Variants in IFFO2 observed in about 807,000 individuals in gnomAD.
The protein encoded by IFFO2 is intermediate filament family orphan 2.
IFFO2 carries 19 observed loss-of-function variants against 53.5 expected under a neutral mutation model. The ratio of observed to expected loss-of-function variants is 0.36; its 90% CI spans 0.25 to 0.52. The LOEUF (loss-of-function observed/expected upper bound fraction) is 0.52. IFFO2 is among the 20% of genes least tolerant of loss of function. The probability of loss-of-function intolerance (pLI) is 0.94; values close to 1 mark genes in which losing one functional copy is unlikely to be tolerated. For missense variants in IFFO2, 570 were observed against 727.4 expected, an observed-to-expected ratio of 0.78 and a Z score of 2.49; for synonymous variants, 303 against 313.6, an observed-to-expected ratio of 0.97 and a Z score of 0.36.
intron 1 of IFFO2, among the ~76,000 whole-genome samples, chr1:18,943,380 A>T (rs549082976): frequency 4.0e-5 from 6 of 151,888 alleles, no homozygotes; most frequent in Admixed American, 2.6e-4. Flanking sequence ...ACCCTGTCTT[A>T]AAAAAAATGT....
intron 1 of IFFO2, among the ~76,000 whole-genome samples, chr1:18,941,440 T>G (rs1280123304): frequency 1.3e-5 from 2 of 152,182 alleles, no homozygotes; most frequent in African/African-American, 4.8e-5. Flanking sequence ...TGACGTCAAC[T>G]CTGGAAAAAC....
chr1:18,955,931 G>C lies in IFFO2; in HGVS notation c.402C>G (p.Asn134Lys). Residue 134 changes from asparagine to lysine, a missense_variant, in exon 1 of 9, where the codon AAC becomes AAG. Coordinates refer to ENST00000455833, the MANE Select transcript of IFFO2 (RefSeq NM_001136265.2). ...GLSSGAAAGA[N>K]ANAVALGGLP... ...GGCCGCCCAGGGCCACGGCATTGGC[G>C]TTGGCGCCGGCCGCCGCGCCACTGC... 2.4e-6 allele frequency: 3 copies of C among 1,274,820 alleles called. No homozygotes were observed. Among genetic ancestry groups the C allele is most frequent in the Non-Finnish European group, 3.0e-6 (3 of 1,016,574 alleles). 79.0% of individuals were successfully genotyped at this position (1,274,820 alleles called of 1,614,324 possible).
intron 1 of IFFO2, 45 bp from the exon 2 acceptor site, chr1:18,921,166 G>A: frequency 6.6e-7 from 1 of 1,514,548 alleles, no homozygotes; most frequent in Non-Finnish European, 9.0e-7. Context: ...TGAGTTCCCT[G>A]TGCCAGTCCA....
chr1:18,955,783 ACACGCCGGGGCCCTGCACGGTCTC>A lies in IFFO2; in HGVS notation c.526_549del (p.Glu176_Val183del). On this transcript the variant is annotated inframe_deletion, in exon 1 of 9. Transcript: ENST00000455833. ...CCCACGCCGTCGGGGTGCACCCACG[ACACGCCGGGGCCCTGCACGGTCTC>A]CACGCCGCCGCCGCCCGTGCGCCGC... is the stretch of plus-strand genomic sequence containing the variant. 1 of 1,549,526 alleles carries A rather than the reference ACACGCCGGGGCCCTGCACGGTCTC, an allele frequency of 6.5e-7. No homozygotes were observed. The highest frequency in any genetic ancestry group is 2.4e-5 in the East Asian group (1 of 40,924).
intron 8 of IFFO2, 96 bp downstream of exon 8, chr1:18,910,246 G>A: frequency 7.3e-7 from 1 of 1,371,442 alleles, no homozygotes. Context: ...CGGACAGAGA[G>A]ACAGGTTGGG....
chr1:18,925,000 C>T (rs1394738520), intron 1 of IFFO2, among the ~76,000 whole-genome samples: 1 of 152,202 alleles, frequency 6.6e-6, no homozygotes, highest in Admixed American at 6.5e-5. Flanking sequence ...CCAGCCACGG[C>T]TGACACGGCC....
rs560209427 is a variant in IFFO2, at chr1:18,953,691, A to C, written c.665+1977T>G. ...AAAATAAATGGAAGACAAGGTGTGCACGCATCCCAGAAGGGCGGGAAGAGA... is the reference window on the plus strand; with the variant it reads ...AAAATAAATGGAAGACAAGGTGTGCCCGCATCCCAGAAGGGCGGGAAGAGA... On this transcript the variant is annotated intron_variant, in intron 1 of 8. Coordinates refer to ENST00000455833, the MANE Select transcript of IFFO2 (RefSeq NM_001136265.2). 1.6e-3 allele frequency among the ~76,000 whole-genome samples: 242 copies of C among 152,248 alleles called. 1 individual carries two copies. The highest frequency in any genetic ancestry group is 5.0e-3 in the South Asian group (24 of 4,816).
At chr1:18,914,289 G>C (rs1050020697) in intron 5 of IFFO2, among the ~76,000 whole-genome samples, 1 of 152,168 alleles carries the variant, frequency 6.6e-6, no homozygotes, top group South Asian at 2.1e-4. Flanking sequence ...TGCCCATGGG[G>C]CCCCCTGGCT....
At position 18,907,470 on chromosome 1, in the gene IFFO2, A is replaced by C. The variant is rs1935968292; in HGVS notation, c.*1091T>G. ...GCAACTGCCGGACAGTCCTAACCCA[A>C]GGCGGGTAGAAGGGAGCAGAGACCA... is the stretch of plus-strand genomic sequence containing the variant. On this transcript the variant is annotated 3_prime_UTR_variant, in exon 9 of 9. Coordinates refer to ENST00000455833, the MANE Select transcript of IFFO2 (RefSeq NM_001136265.2). The C allele has an allele frequency of 6.6e-6, 1 of 152,364 alleles. No individual in the cohort carries two copies. The highest frequency in any genetic ancestry group is 2.1e-4 in the South Asian group (1 of 4,838). The allele number at this position is 152,364 out of a possible 1,614,324, so 9.4% of individuals were successfully genotyped here.
In IFFO2 at chr1:18,931,960, C is replaced by T. The variant is rs560852873; in HGVS notation, c.666-10839G>A. ...GAAACAAAGCCACTTTGCCCATGCACTTATTTCTCAGCGCCAGAGAACCCA... is the reference window on the plus strand; with the variant it reads ...GAAACAAAGCCACTTTGCCCATGCATTTATTTCTCAGCGCCAGAGAACCCA... On this transcript the variant is annotated intron_variant, in intron 1 of 8. Coordinates refer to ENST00000455833, the MANE Select transcript of IFFO2 (RefSeq NM_001136265.2). Among the ~76,000 whole-genome samples the T allele has an allele frequency of 3.3e-5, 5 of 152,352 alleles. No individual in the cohort carries two copies. In the South Asian group the frequency reaches 1.0e-3, roughly 32 times the overall value.
chr1:18,933,539 G>A (rs1936407386), intron 1 of IFFO2, among the ~76,000 whole-genome samples: 1 of 152,178 alleles, frequency 6.6e-6, no homozygotes, highest in Non-Finnish European at 1.5e-5. Context: ...CTTTGGGCAG[G>A]TGGATCACTT....
chr1:18,935,812 C>T (rs373035099), intron 1 of IFFO2, among the ~76,000 whole-genome samples: 2 of 151,506 alleles, frequency 1.3e-5, no homozygotes, highest in East Asian at 1.9e-4. Flanking sequence ...GCCTTAGCCT[C>T]CCAAGTAGCT....
intron 1 of IFFO2, among the ~76,000 whole-genome samples, chr1:18,948,497 C>A (rs1936618895): frequency 6.6e-6 from 1 of 152,224 alleles, no homozygotes; most frequent in South Asian, 2.1e-4. Context: ...TTGCCATTTG[C>A]CAGGTTTACT....
intron 1 of IFFO2, among the ~76,000 whole-genome samples, chr1:18,946,117 A>G (rs1317366556): frequency 1.3e-5 from 2 of 152,230 alleles, no homozygotes; most frequent in Non-Finnish European, 2.9e-5. Flanking sequence ...TTCAGCCTGC[A>G]TGGGAAGTTG....
At chr1:18,952,360 GGTTTGGGTTGGTGTTTCCAAAGCACA>G (rs1203627010) in intron 1 of IFFO2, among the ~76,000 whole-genome samples, 6 of 152,180 alleles carry the variant, frequency 3.9e-5, no homozygotes, top group African/African-American at 1.4e-4. Context: ...CAGGGGCTCT[GGTTTGGGTTGGTGTTTCCAAAGCACA>G]GTTTGTGGAC....
At chr1:18,942,840 CTT>C (rs35473539) in intron 1 of IFFO2, among the ~76,000 whole-genome samples, 10 of 135,168 alleles carry the variant, frequency 7.4e-5, no homozygotes, top group African/African-American at 1.9e-4. Flanking sequence ...TATATTATTT[CTT>C]TTTTTTTTTT....
intron 1 of IFFO2, among the ~76,000 whole-genome samples, chr1:18,922,463 C>T (rs1012248798): frequency 6.6e-6 from 1 of 152,140 alleles, no homozygotes; most frequent in African/African-American, 2.4e-5. Context: ...GGTTACGTCA[C>T]CGGCTTTTGG....
intron 1 of IFFO2, among the ~76,000 whole-genome samples, chr1:18,922,076 G>T (rs1284586627): frequency 1.3e-5 from 2 of 152,148 alleles, no homozygotes; most frequent in Non-Finnish European, 2.9e-5. Context: ...CAGAAAGCAA[G>T]GCCCAGAGGC....
intron 1 of IFFO2, among the ~76,000 whole-genome samples, chr1:18,951,426 G>C (rs1936658347): frequency 6.6e-6 from 1 of 152,178 alleles, no homozygotes; most frequent in Non-Finnish European, 1.5e-5. Flanking sequence ...CAACTGGGGG[G>C]CGCATACAGT....
Sources: gnomAD v4.1 joint callset for allele counts (sites outside exome capture counted in the v4.1 genomes callset) on GRCh38, gnomAD v4.1.1 for gene constraint, MANE v1.5 for transcripts, NCBI Gene and HGNC (gene_info 2026-07-23, HGNC 2026-07-21) for gene names.